Variants in PRKCA observed in about 807,000 individuals in gnomAD.
The protein encoded by PRKCA is protein kinase C alpha.
PRKCA carries 27 observed loss-of-function variants against 87.0 expected under a neutral mutation model. The observed-to-expected ratio is 0.31, with a 90% CI of 0.23 to 0.43. The LOEUF is 0.43. Among genes scored for constraint, PRKCA ranks in the 20% least tolerant of loss-of-function variants. PRKCA has a pLI of 1.00. For synonymous variants in PRKCA, 329 were observed against 311.1 expected (o/e 1.06, Z -0.61); for missense variants, 518 against 852.3 (o/e 0.61, Z 4.88).
At chr17:66,464,795 T>A (rs1301481685) in intron 2 of PRKCA, among the ~76,000 whole-genome samples, 2 of 152,224 alleles carry the variant, frequency 1.3e-5, no homozygotes, top group Non-Finnish European at 2.9e-5. Flanking sequence ...TTGCAATATT[T>A]TCTCCCAGCC....
chr17:66,338,575 TC>T (rs773621973), intron 2 of PRKCA, among the ~76,000 whole-genome samples: 4 of 151,816 alleles, frequency 2.6e-5, no homozygotes, highest in African/African-American at 9.7e-5. Flanking sequence ...GACTTAACAT[TC>T]CCCCCCACTC....
At chr17:66,347,029 T>TAA (rs201832571) in intron 2 of PRKCA, among the ~76,000 whole-genome samples, 31 of 139,726 alleles carry the variant, frequency 2.2e-4, no homozygotes, top group African/African-American at 5.7e-4. Context: ...AGACTCCATC[T>TAA]AAAAAAAAAA....
At chr17:66,435,339 T>C (rs532147440) in intron 2 of PRKCA, among the ~76,000 whole-genome samples, 96 of 152,314 alleles carry the variant, frequency 6.3e-4, no homozygotes, top group Middle Eastern at 3.4e-3. Flanking sequence ...CTCTGACTTC[T>C]TTGTAAGTGC....
chr17:66,551,489 G>A (rs1380476209), intron 3 of PRKCA, among the ~76,000 whole-genome samples: 3 of 152,266 alleles, frequency 2.0e-5, no homozygotes, highest in Non-Finnish European at 2.9e-5. Context: ...CCATAGGGCA[G>A]CTCGCAGCAT....
intron 8 of PRKCA, among the ~76,000 whole-genome samples, chr17:66,722,543 T>C (rs1334753835): frequency 6.6e-6 from 1 of 152,274 alleles, no homozygotes; most frequent in African/African-American, 2.4e-5. Context: ...TGATTTGCTT[T>C]ACAGAATGCC....
chr17:66,307,050 A>G (rs1459261443), intron 2 of PRKCA, among the ~76,000 whole-genome samples: 5 of 152,180 alleles, frequency 3.3e-5, no homozygotes, highest in African/African-American at 7.2e-5. Context: ...CTTTTTTACA[A>G]CTTTGAGATT....
intron 11 of PRKCA, among the ~76,000 whole-genome samples, chr17:66,740,913 G>A (rs200585659): frequency 3.9e-4 from 59 of 152,258 alleles, no homozygotes; most frequent in East Asian, 3.5e-3. Context: ...GTGGCCCCTC[G>A]TTAAGGGTTT....
At chr17:66,362,651 C>G (rs1306100788) in intron 2 of PRKCA, among the ~76,000 whole-genome samples, 1 of 149,852 alleles carries the variant, frequency 6.7e-6, no homozygotes, top group Non-Finnish European at 1.5e-5. Context: ...CTGTCTCCCT[C>G]AACTAGTGAG....
At chr17:66,765,556 T>TTA (rs748386604) in intron 13 of PRKCA, among the ~76,000 whole-genome samples, 3,109 of 142,852 alleles carry the variant, frequency 0.022, 45 homozygotes, top group Non-Finnish European at 0.031. Flanking sequence ...ATATATGTCT[T>TTA]TATATATATA....
chr17:66,567,063 G>A (rs1020835546), intron 3 of PRKCA, among the ~76,000 whole-genome samples: 5 of 152,256 alleles, frequency 3.3e-5, no homozygotes, highest in South Asian at 2.1e-4. Flanking sequence ...GTAAGAATGC[G>A]TCCTTTCCTT....
chr17:66,778,781 G>GTGA (rs1975129320), intron 14 of PRKCA, among the ~76,000 whole-genome samples: 1 of 150,280 alleles, frequency 6.7e-6, no homozygotes, highest in Non-Finnish European at 1.5e-5. Context: ...GTCAAGGCTA[G>GTGA]CAGTGAGCTG....
chr17:66,766,358 C>T (rs572062536), intron 13 of PRKCA, among the ~76,000 whole-genome samples: 1 of 133,384 alleles, frequency 7.5e-6, no homozygotes, highest in Non-Finnish European at 1.6e-5. Context: ...CTCCCACACC[C>T]TTGCCTGTTG....
At chr17:66,671,491 C>G (rs1377442739) in intron 5 of PRKCA, among the ~76,000 whole-genome samples, 1 of 152,104 alleles carries the variant, frequency 6.6e-6, no homozygotes, top group African/African-American at 2.4e-5. Context: ...GTCCAAGGTG[C>G]TGAGTACCTT....
At chr17:66,648,898 G>A (rs1352425325) in intron 5 of PRKCA, among the ~76,000 whole-genome samples, 1 of 151,948 alleles carries the variant, frequency 6.6e-6, no homozygotes, top group East Asian at 1.9e-4. Context: ...CTTGAGACCA[G>A]CCTGGCCAAC....
chr17:66,401,698 T>TA (rs1911040580), intron 2 of PRKCA, among the ~76,000 whole-genome samples: 1 of 152,138 alleles, frequency 6.6e-6, no homozygotes, highest in Non-Finnish European at 1.5e-5. Flanking sequence ...ACCTGCCAAA[T>TA]ACTTAAAAAA....
chr17:66,732,872 G>A, intron 9 of PRKCA, 47 bp downstream of exon 9: 1 of 1,589,494 alleles, frequency 6.3e-7, no homozygotes, highest in Non-Finnish European at 8.5e-7. Flanking sequence ...TGCAGAGAAT[G>A]TCGAATCAGT....
intron 3 of PRKCA, among the ~76,000 whole-genome samples, chr17:66,583,734 A>T (rs1020914272): frequency 2.6e-5 from 4 of 152,088 alleles, no homozygotes; most frequent in African/African-American, 9.7e-5. Flanking sequence ...CTTTTTTTGA[A>T]GTTGGGTAAG....
At position 66,806,978 on chromosome 17, in the gene PRKCA, A is replaced by G. The variant is rs1976045270; in HGVS notation, c.*2941A>G. On this transcript the variant is annotated 3_prime_UTR_variant, in exon 17 of 17. Coordinates refer to ENST00000413366, the MANE Select transcript of PRKCA (RefSeq NM_002737.3). Reference sequence around the variant, plus strand: ...AGGGCTTTCCAGATCTCAGCAGCCAAAGACAGTTATTGTTGGAAGACTGTC... The same window carrying G: ...AGGGCTTTCCAGATCTCAGCAGCCAGAGACAGTTATTGTTGGAAGACTGTC... The G allele has an allele frequency of 6.6e-6, 1 of 152,304 alleles. No individual in the cohort carries two copies. Among genetic ancestry groups the G allele is most frequent in the Non-Finnish European group, 1.5e-5 (1 of 68,108 alleles). The allele number at this position is 152,304 out of a possible 1,614,324, so 9.4% of individuals were successfully genotyped here.
In PRKCA at chr17:66,605,622, T is replaced by C. The variant is rs185571926; in HGVS notation, c.289-35733T>C. On this transcript the variant is annotated intron_variant, in intron 3 of 16. Transcript: ENST00000413366. ...ATATACCGAAGAGAATGAAAACATA[T>C]GTTCTTACAAAAATTAATACAAGAA... Among the ~76,000 whole-genome samples, 67 of 152,296 alleles carry C rather than the reference T, an allele frequency of 4.4e-4. 1 individual carries two copies. The highest frequency in any genetic ancestry group is 2.4e-3 in the Admixed American group (36 of 15,294).
Sources: allele counts gnomAD v4.1 joint callset (sites outside exome capture counted in the v4.1 genomes callset), GRCh38; gene constraint gnomAD v4.1.1; transcripts MANE v1.5; gene names NCBI Gene and HGNC (gene_info 2026-07-23, HGNC 2026-07-21).